CPAP: variants seen among roughly 807,000 people sequenced by gnomAD.
CPAP encodes the protein centrosomal P4.1-associated protein.
the CPAP span, among the ~76,000 whole-genome samples, chr13:24,897,479 G>A: frequency 6.6e-6 from 1 of 152,268 alleles, no homozygotes; most frequent in African/African-American, 2.4e-5. Context: ...ATGAATAAGT[G>A]GGAGAATGAT....
At chr13:24,898,479 C>T in the CPAP span, among the ~76,000 whole-genome samples, 3 of 152,122 alleles carry the variant, frequency 2.0e-5, no homozygotes, top group Non-Finnish European at 4.4e-5. Flanking sequence ...GGAGGAATTT[C>T]ACCACCCATC....
chr13:24,909,686 C>T, the CPAP span: 1 of 1,076,460 alleles, frequency 9.3e-7, no homozygotes, highest in East Asian at 2.6e-5. Context: ...GGCAACACTC[C>T]ATCTCTGAAA....
chr13:24,912,255 T>C, the CPAP span, among the ~76,000 whole-genome samples: 15 of 152,178 alleles, frequency 9.9e-5, no homozygotes, highest in African/African-American at 3.6e-4. Flanking sequence ...GGAAATCTTA[T>C]CAACTATCTC....
the CPAP span, chr13:24,889,315 C>T: frequency 3.1e-6 from 5 of 1,597,690 alleles, no homozygotes; most frequent in Non-Finnish European, 3.4e-6. Context: ...CAGCCTCTTA[C>T]CTTGCATTGG....
the CPAP span, chr13:24,907,926 A>T: frequency 3.1e-6 from 3 of 981,148 alleles, no homozygotes; most frequent in African/African-American, 4.8e-5. Flanking sequence ...AACCAGAAAA[A>T]TATAGATCTT....
At chr13:24,932,055 C>T in the CPAP span, among the ~76,000 whole-genome samples, 16 of 152,222 alleles carry the variant, frequency 1.1e-4, no homozygotes, top group Admixed American at 2.0e-4. Context: ...GCTAGGGACG[C>T]TGCGCTCTCC....
At chr13:24,908,092 TTC>T in the CPAP span, 39 of 1,612,836 alleles carry the variant, frequency 2.4e-5, no homozygotes, top group Middle Eastern at 1.6e-4. Flanking sequence ...CCTGAATCTG[TTC>T]TGTCACTTTC....
the CPAP span, chr13:24,905,332 A>T: frequency 6.2e-7 from 1 of 1,610,250 alleles, no homozygotes; most frequent in Middle Eastern, 1.7e-4. Flanking sequence ...ATATTTTATA[A>T]TGCTCTGACT....
the CPAP span, chr13:24,909,822 T>A: frequency 1.2e-6 from 2 of 1,613,498 alleles, no homozygotes; most frequent in Non-Finnish European, 1.7e-6. Context: ...TTCTTTTAAA[T>A]TATTTTTTTC....
the CPAP span, among the ~76,000 whole-genome samples, chr13:24,916,348 G>T: frequency 5.3e-5 from 8 of 152,080 alleles, no homozygotes; most frequent in African/African-American, 1.9e-4. Context: ...AAAGGGCAAT[G>T]TGGAGGCAAA....
At chr13:24,903,655 C>T in the CPAP span, among the ~76,000 whole-genome samples, 1 of 152,158 alleles carries the variant, frequency 6.6e-6, no homozygotes, top group Non-Finnish European at 1.5e-5. Flanking sequence ...CACTAACTAG[C>T]CAAAGTACCA....
chr13:24,903,412 G>A, the CPAP span, among the ~76,000 whole-genome samples: 1 of 152,162 alleles, frequency 6.6e-6, no homozygotes, highest in African/African-American at 2.4e-5. Flanking sequence ...GACACACACA[G>A]AGGGAAGATG....
chr13:24,912,704 C>T, the CPAP span: 5 of 1,614,014 alleles, frequency 3.1e-6, no homozygotes, highest in South Asian at 1.1e-5. Context: ...CATGCCGCTA[C>T]CTGTGGTCCC....
chr13:24,912,800 CAAG>C, the CPAP span: 7 of 1,613,956 alleles, frequency 4.3e-6, no homozygotes, highest in African/African-American at 1.3e-5. Context: ...TTCTGTTCTT[CAAG>C]AAGTGAATCT....
chr13:24,894,688 T>TGGGGGCAGAACGCGCGGA, the CPAP span, among the ~76,000 whole-genome samples: 4 of 151,336 alleles, frequency 2.6e-5, no homozygotes, highest in African/African-American at 9.7e-5. Context: ...ATGGGAAGGC[T>TGGGGGCAGAACGCGCGGA]GGGGGCAGAA....
At chr13:24,931,939 A>G in the CPAP span, among the ~76,000 whole-genome samples, 1 of 152,198 alleles carries the variant, frequency 6.6e-6, no homozygotes, top group Non-Finnish European at 1.5e-5. Context: ...AAACTGAAAC[A>G]AAGCCCTGAA....
the CPAP span, chr13:24,884,235 T>C: frequency 3.1e-6 from 5 of 1,614,160 alleles, no homozygotes; most frequent in Non-Finnish European, 4.2e-6. Context: ...GGCAGCTGCA[T>C]AGTAGTAGAT....
At chr13:24,909,861 G>C in the CPAP span, 1 of 1,613,954 alleles carries the variant, frequency 6.2e-7, no homozygotes, top group Non-Finnish European at 8.5e-7. Flanking sequence ...CTGTGCCTCA[G>C]AAAATAAATT....
chr13:24,902,040 A>C, the CPAP span, among the ~76,000 whole-genome samples: 1 of 152,086 alleles, frequency 6.6e-6, no homozygotes, highest in Non-Finnish European at 1.5e-5. Context: ...CATACAGTAG[A>C]GCCCAGGGCT....
Sources: allele counts gnomAD v4.1 joint callset (sites outside exome capture counted in the v4.1 genomes callset), GRCh38; gene constraint gnomAD v4.1.1; transcripts MANE v1.5; gene names NCBI Gene and HGNC (gene_info 2026-07-23, HGNC 2026-07-21).